Variants in PCDHGB2 observed in about 807,000 individuals in gnomAD.
PCDHGB2 encodes the protein protocadherin gamma-B2.
PCDHGB2 carries 55 observed loss-of-function variants against 59.3 expected under a neutral mutation model. The ratio of observed to expected loss-of-function variants is 0.93; its 90% CI spans 0.75 to 1.16. The LOEUF (loss-of-function observed/expected upper bound fraction) is 1.16, where lower values mean the gene tolerates loss of function less well. Among genes scored for constraint, PCDHGB2 ranks in the 50% most tolerant of loss-of-function variants. The pLI is 0.00. For missense variants in PCDHGB2, 1,228 were observed against 1,198.5 expected (o/e 1.02, Z -0.36); for synonymous variants, 516 against 512.0 (o/e 1.01, Z -0.11).
rs1259562533 is a variant in PCDHGB2 at position 141,482,788 on chromosome 5, G to T, written c.2422-12019G>T. 2.6e-5 allele frequency among the ~76,000 whole-genome samples: 4 copies of T among 152,184 alleles called. 1 individual carries two copies. Among genetic ancestry groups the T allele is most frequent in the Admixed American group, 2.6e-4 (4 of 15,278 alleles). ...TATCACTGAACCTTAAACTGTGTGTGTGGCCGGGTACGGTGGCTCATGCCT... is the reference window on the plus strand; with the variant it reads ...TATCACTGAACCTTAAACTGTGTGTTTGGCCGGGTACGGTGGCTCATGCCT... On this transcript the variant is annotated intron_variant, in intron 1 of 3. Transcript: ENST00000522605.
chr5:141,453,333 A>T (rs181261279), intron 1 of PCDHGB2, among the ~76,000 whole-genome samples: 3 of 151,914 alleles, frequency 2.0e-5, no homozygotes, highest in Admixed American at 1.3e-4. Context: ...GGGTCTCACT[A>T]TGTTTCCCCA....
intron 1 of PCDHGB2, chr5:141,376,682 T>TTTTTTTTG (rs1773145441): frequency 1.3e-6 from 1 of 786,082 alleles, no homozygotes; most frequent in African/African-American, 1.9e-5. Flanking sequence ...TATCGTTTTT[T>TTTTTTTTG]TTTTTTTTTT....
In PCDHGB2 at chr5:141,417,959, C is replaced by T. The variant is rs759279387; in HGVS notation, c.2421+55403C>T. 7.4e-6 allele frequency: 12 copies of T among 1,613,616 alleles called. No homozygotes were observed. The highest frequency in any genetic ancestry group is 4.0e-5 in the African/African-American group (3 of 74,932). On this transcript the variant is annotated intron_variant, in intron 1 of 3. Coordinates refer to ENST00000522605, the MANE Select transcript of PCDHGB2 (RefSeq NM_018923.3). The stretch of plus-strand genomic sequence containing the variant: ...CTACCCCACGCTGTGTGAGCCGATC[C>T]GCTACTCGATTCCGGAGGAGCTGGC...
chr5:141,407,808 C>A (rs1182707356), intron 1 of PCDHGB2, among the ~76,000 whole-genome samples: 1 of 152,136 alleles, frequency 6.6e-6, no homozygotes, highest in Non-Finnish European at 1.5e-5. Flanking sequence ...ATAGAAATAT[C>A]TACTATAATA....
chr5:141,423,597 G>C, intron 1 of PCDHGB2: 1 of 1,613,188 alleles, frequency 6.2e-7, no homozygotes, highest in Non-Finnish European at 8.5e-7. Context: ...AGAAAAGCGA[G>C]CCACTCTTGA....
chr5:141,408,061 G>C, intron 1 of PCDHGB2: 1 of 1,332,898 alleles, frequency 7.5e-7, no homozygotes, highest in Non-Finnish European at 1.0e-6. Flanking sequence ...CCTCCCGGCT[G>C]CGCAGACCTT....
At chr5:141,364,344 C>G (rs1588595185) in intron 1 of PCDHGB2, 1 of 1,542,476 alleles carries the variant, frequency 6.5e-7, no homozygotes, top group Non-Finnish European at 8.7e-7. Flanking sequence ...GCGAGTCCAC[C>G]TAGGGGCTGG....
intron 1 of PCDHGB2, among the ~76,000 whole-genome samples, chr5:141,482,530 C>CAAAAAAAAAAAAA (rs3074545): frequency 3.9e-5 from 3 of 76,560 alleles, no homozygotes; most frequent in African/African-American, 9.6e-5. Context: ...GACAGACATG[C>CAAAAAAAAAAAAA]AAAAAAAAAA....
chr5:141,423,865 T>G, intron 1 of PCDHGB2: 1 of 1,285,992 alleles, frequency 7.8e-7, no homozygotes, highest in Non-Finnish European at 9.9e-7. Flanking sequence ...TTTGTGAAAG[T>G]CATTTTTCAA....
chr5:141,460,791 C>A (rs2098997892), intron 1 of PCDHGB2, among the ~76,000 whole-genome samples: 1 of 151,666 alleles, frequency 6.6e-6, no homozygotes, highest in Non-Finnish European at 1.5e-5. Context: ...TATATACACA[C>A]AAAGTATATA....
At chr5:141,492,404 T>C (rs944864208) in intron 1 of PCDHGB2, among the ~76,000 whole-genome samples, 9 of 152,316 alleles carry the variant, frequency 5.9e-5, no homozygotes, top group African/African-American at 1.9e-4. Context: ...GCAGCTCCCC[T>C]CTGCCGCTCC....
intron 1 of PCDHGB2, chr5:141,375,260 G>A: frequency 6.2e-7 from 1 of 1,613,874 alleles, no homozygotes; most frequent in Non-Finnish European, 8.5e-7. Flanking sequence ...TCTCCCATTT[G>A]AATTGGAAAA....
chr5:141,421,916 G>T (rs754653877), intron 1 of PCDHGB2: 1 of 1,613,528 alleles, frequency 6.2e-7, no homozygotes. Flanking sequence ...GTTCCCATTC[G>T]TGTGGTGGTC....
intron 1 of PCDHGB2, among the ~76,000 whole-genome samples, chr5:141,482,857 A>T (rs2099573663): frequency 6.6e-6 from 1 of 152,140 alleles, no homozygotes; most frequent in Admixed American, 6.5e-5. Flanking sequence ...AGATCACTTG[A>T]GGTCAGGAGT....
rs762908598 is a variant in PCDHGB2 at position 141,491,157 on chromosome 5, T to A, written c.2422-3650T>A. The A allele has an allele frequency of 3.7e-6, 6 of 1,614,108 alleles. No homozygotes were observed. The Admixed American group carries it at 8.3e-5, about 22-fold the overall frequency. On this transcript the variant is annotated intron_variant, in intron 1 of 3. Transcript: ENST00000522605. The surrounding 1 kb of genome is among the most constrained non-coding windows in gnomAD (Gnocchi z 6.9). ...CCCGGGCCTTACTGGAGGATGACTC[T>A]GACACCCAGCAGGTGGTGGTCCTGG...
Position 141,389,845 on chromosome 5 carries a change from C to A in PCDHGB2, c.2421+27289C>A, listed in dbSNP as rs572208776. 5.0e-5 allele frequency: 80 copies of A among 1,614,054 alleles called. No homozygotes were observed. In the Admixed American group the frequency reaches 1.3e-3, roughly 27 times the overall value. On this transcript the variant is annotated intron_variant, in intron 1 of 3. Transcript: ENST00000522605. ...GACGGTGGACAGCCACCACTCTCGG[C>A]CACTGCCACGTTGCACCTGGTCTTC...
At chr5:141,435,172 T>G (rs1406204282) in intron 1 of PCDHGB2, among the ~76,000 whole-genome samples, 1 of 152,198 alleles carries the variant, frequency 6.6e-6, no homozygotes, top group Non-Finnish European at 1.5e-5. Context: ...GAGTGGCTTT[T>G]AACTACACTT....
chr5:141,372,821 C>T (rs1174181623), intron 1 of PCDHGB2: 2 of 1,566,320 alleles, frequency 1.3e-6, no homozygotes, highest in Non-Finnish European at 1.7e-6. Flanking sequence ...TGAGTTTCTT[C>T]AAACCTTTCC....
At chr5:141,451,198 C>T (rs1415589731) in intron 1 of PCDHGB2, among the ~76,000 whole-genome samples, 1 of 152,114 alleles carries the variant, frequency 6.6e-6, no homozygotes, top group Non-Finnish European at 1.5e-5. Context: ...AACAAATTAT[C>T]CCAAAACTTA....
Sources: gnomAD v4.1 joint callset for allele counts (sites outside exome capture counted in the v4.1 genomes callset) on GRCh38, gnomAD v4.1.1 for gene constraint, Gnocchi (gnomAD v3.1) non-coding constraint, MANE v1.5 for transcripts, NCBI Gene and HGNC (gene_info 2026-07-23, HGNC 2026-07-21) for gene names.